PLIN3: variants seen among roughly 807,000 people sequenced by gnomAD.
The protein encoded by PLIN3 is perilipin-3.
A neutral mutation model predicts 35.9 loss-of-function variants in PLIN3; 30 were observed. That is an observed-to-expected ratio of 0.84 (90% CI 0.62 to 1.13). The LOEUF is 1.13. Ranked by LOEUF, PLIN3 falls within the 50% of genes most tolerant of loss-of-function variation. The probability of loss-of-function intolerance (pLI) is 0.00; values close to 1 mark genes in which losing one functional copy is unlikely to be tolerated. For missense variants in PLIN3, 603 were observed against 596.9 expected (o/e 1.01, Z -0.11); for synonymous variants, 261 against 262.5 (o/e 0.99, Z 0.06).
intron 7 of PLIN3, among the ~76,000 whole-genome samples, chr19:4,843,440 A>G (rs531110816): frequency 9.2e-5 from 14 of 151,854 alleles, no homozygotes; most frequent in South Asian, 2.1e-4. Flanking sequence ...CCTGGGAGGC[A>G]GAGCTGGTAG....
chr19:4,865,447 C>T (rs2030815414), intron 1 of PLIN3, among the ~76,000 whole-genome samples: 1 of 151,522 alleles, frequency 6.6e-6, no homozygotes, highest in African/African-American at 2.4e-5. Context: ...CGAGATCGCA[C>T]CACTGCACTC....
chr19:4,856,741 G>A (rs2030489818), intron 4 of PLIN3, among the ~76,000 whole-genome samples: 1 of 141,754 alleles, frequency 7.1e-6, no homozygotes, highest in South Asian at 2.3e-4. Context: ...GCCTTGCTCT[G>A]TTGCCCAGGC....
chr19:4,864,570 G>T (rs915949480), intron 1 of PLIN3, among the ~76,000 whole-genome samples: 2 of 151,778 alleles, frequency 1.3e-5, no homozygotes, highest in African/African-American at 4.8e-5. Context: ...GCCCACCTTG[G>T]CCTCCCAAAC....
At chr19:4,852,414 C>A (rs1428099312) in intron 4 of PLIN3, 113 bp from the exon 5 acceptor site, 15 of 1,285,630 alleles carry the variant, frequency 1.2e-5, no homozygotes, top group South Asian at 1.0e-4. Context: ...CCCCGGGTGA[C>A]CCCAGCATCT....
At chr19:4,853,258 C>G (rs893792359) in intron 4 of PLIN3, among the ~76,000 whole-genome samples, 1 of 152,088 alleles carries the variant, frequency 6.6e-6, no homozygotes. Context: ...CTCAGCTTCC[C>G]CAGCGAGTAG....
Position 4,859,626 on chromosome 19 carries a change from C to T in PLIN3, c.312G>A (p.Glu104=), listed in dbSNP as rs753784557. Residue 104 remains glutamate, a synonymous_variant, in exon 4 of 8, where the codon GAG becomes GAA. Coordinates refer to ENST00000221957, the MANE Select transcript of PLIN3 (RefSeq NM_005817.5). ...GCTGCTGCAGGATGGGGAGGTTCTCCTCCAACTTGTCCAGCCCCCTGTGGG... is the reference window on the plus strand; with the variant it reads ...GCTGCTGCAGGATGGGGAGGTTCTCTTCCAACTTGTCCAGCCCCCTGTGGG... The part of the protein sequence containing the change: ...EYAHRGLDKL[E]ENLPILQQPT... 2 of 1,614,174 alleles carry T rather than the reference C, an allele frequency of 1.2e-6. No individual in the cohort carries two copies. Among genetic ancestry groups the T allele is most frequent in the East Asian group, 2.2e-5 (1 of 44,892 alleles).
At chr19:4,853,801 A>C (rs1421374134) in intron 4 of PLIN3, among the ~76,000 whole-genome samples, 1 of 151,714 alleles carries the variant, frequency 6.6e-6, no homozygotes, top group Non-Finnish European at 1.5e-5. Context: ...TGACAGAGAG[A>C]GACTCTGTCT....
Position 4,839,279 on chromosome 19 carries a change from T to TTCCA in PLIN3, c.1214_1217dup (p.Glu406AspfsTer23). The TTCCA allele has an allele frequency of 6.2e-7, 1 of 1,614,070 alleles. No homozygotes were observed. The highest frequency in any genetic ancestry group is 8.5e-7 in the Non-Finnish European group (1 of 1,180,016). On this transcript the variant is annotated frameshift_variant, in exon 8 of 8. Coordinates refer to ENST00000221957, the MANE Select transcript of PLIN3 (RefSeq NM_005817.5). LOFTEE classifies it low-confidence loss of function (END_TRUNC). ...TGACAGGTGTGTTCTGGGCCACATA[T>TTCCA]TCCACCATGTGGTCCAGGGCCTCGC...
intron 7 of PLIN3, among the ~76,000 whole-genome samples, chr19:4,844,147 G>A (rs557322512): frequency 1.1e-4 from 17 of 152,010 alleles, no homozygotes; most frequent in African/African-American, 3.9e-4. Context: ...AGAGTGGAGG[G>A]GGCCGGAGAA....
At chr19:4,849,264 C>CA (rs1213336556) in intron 5 of PLIN3, among the ~76,000 whole-genome samples, 8 of 151,982 alleles carry the variant, frequency 5.3e-5, no homozygotes, top group Non-Finnish European at 1.0e-4. Context: ...TGAGCCATTG[C>CA]ACCTGGCTTC....
chr19:4,844,925 G>A lies in PLIN3; in HGVS notation c.835-132C>T, dbSNP rs1480514934. On this transcript the variant is annotated intron_variant, in intron 6 of 7. Transcript: ENST00000221957. ...AGAAAAGAGAAAGGGAGGGAGGGAGGAAGGGTTTCCTGGCTACGGTGAGCT... is the reference window on the plus strand; with the variant it reads ...AGAAAAGAGAAAGGGAGGGAGGGAGAAAGGGTTTCCTGGCTACGGTGAGCT... The A allele has an allele frequency of 6.5e-6, 7 of 1,076,918 alleles. No individual in the cohort carries two copies. The East Asian group carries it at 1.8e-4, about 28-fold the overall frequency. The allele number at this position is 1,076,918 out of a possible 1,614,324, so 66.7% of individuals were successfully genotyped here.
At position 4,844,707 on chromosome 19, in the gene PLIN3, C is replaced by T. The variant is rs766114297; in HGVS notation, c.921G>A (p.Lys307=). The T allele has an allele frequency of 6.2e-7, 1 of 1,609,348 alleles. No homozygotes were observed. The highest frequency in any genetic ancestry group is 1.1e-5 in the South Asian group (1 of 89,980). The change falls in exon 7 of 8, where the codon AAG becomes AAA. Residue 307 remains lysine (K), a synonymous_variant. Coordinates refer to ENST00000221957, the MANE Select transcript of PLIN3 (RefSeq NM_005817.5). ...GCTCCTTCTCGGGGCCCTGGAGCTG[C>T]TTCTGGTTCCAGCTGAGCCACATCT... ...LHQMWLSWNQ[K]QLQGPEKEPP...
intron 7 of PLIN3, among the ~76,000 whole-genome samples, chr19:4,839,791 G>A (rs943049867): frequency 4.8e-4 from 72 of 150,604 alleles, no homozygotes; most frequent in African/African-American, 1.7e-3. Context: ...TCAGCCTCCC[G>A]AGTAGCTGGG....
intron 6 of PLIN3, among the ~76,000 whole-genome samples, chr19:4,846,890 T>TA (rs2030117330): frequency 6.9e-6 from 1 of 145,014 alleles, no homozygotes; most frequent in Admixed American, 7.0e-5. Flanking sequence ...CAGTACGAAT[T>TA]TTTTTTTTTT....
At chr19:4,858,707 T>TG (rs1568379721) in intron 4 of PLIN3, among the ~76,000 whole-genome samples, 1 of 130,962 alleles carries the variant, frequency 7.6e-6, no homozygotes, top group African/African-American at 2.9e-5. Flanking sequence ...TTTGGTTTTT[T>TG]TTTTTTTTTT....
At chr19:4,840,265 CT>C (rs1201623205) in intron 7 of PLIN3, among the ~76,000 whole-genome samples, 4 of 152,012 alleles carry the variant, frequency 2.6e-5, no homozygotes, top group African/African-American at 9.7e-5. Context: ...CGCGCCCAGA[CT>C]CTTTTCTTTT....
chr19:4,851,965 G>T, intron 5 of PLIN3, 51 bp downstream of exon 5: 1 of 1,569,622 alleles, frequency 6.4e-7, no homozygotes. Flanking sequence ...AGCGGCTTCC[G>T]GTCAGGGGGC....
At chr19:4,845,788 G>T (rs978032794) in intron 6 of PLIN3, among the ~76,000 whole-genome samples, 1 of 150,304 alleles carries the variant, frequency 6.7e-6, no homozygotes, top group African/African-American at 2.4e-5. Flanking sequence ...GCCCAGCGTG[G>T]TGGTGGGCGC....
rs572375333 is a variant in PLIN3, at chr19:4,846,886, G to A, written c.834+805C>T. ...GTTGTTTACATTTCCCAGACAGTACGAATTTTTTTTTTTTTTTTTTGAGAT... is the reference window on the plus strand; with the variant it reads ...GTTGTTTACATTTCCCAGACAGTACAAATTTTTTTTTTTTTTTTTTGAGAT... On this transcript the variant is annotated intron_variant, in intron 6 of 7. Transcript: ENST00000221957. 1.4e-4 allele frequency among the ~76,000 whole-genome samples: 21 copies of A among 145,718 alleles called. No individual in the cohort carries two copies. In the South Asian group the frequency reaches 3.9e-3, roughly 27 times the overall value.
Sources: gnomAD v4.1 joint callset for allele counts (sites outside exome capture counted in the v4.1 genomes callset) on GRCh38, gnomAD v4.1.1 for gene constraint, MANE v1.5 for transcripts, NCBI Gene and HGNC (gene_info 2026-07-23, HGNC 2026-07-21) for gene names.